The following ACVR2B variants were observed in gnomAD, a reference collection of about 807,000 sequenced individuals.
ACVR2B encodes the protein activin A receptor type 2B.
Under a neutral mutation model 65.1 loss-of-function variants are expected in ACVR2B, and 18 were observed. That is an observed-to-expected ratio of 0.28 (90% confidence interval 0.19 to 0.41). The LOEUF is 0.41. Ranked by LOEUF, ACVR2B falls within the 10% of genes least tolerant of loss-of-function variation. The pLI is 1.00. For synonymous variants in ACVR2B, 298 were observed against 277.7 expected (o/e 1.07, Z -0.73); for missense variants, 482 against 682.7 (o/e 0.71, Z 3.28).
intron 1 of ACVR2B, chr3:38,475,275 T>C (rs1056740713): frequency 1.3e-5 from 2 of 152,300 alleles, no homozygotes; most frequent in Admixed American, 1.3e-4. Context: ...ATGAAGGGCC[T>C]GGCTGGGGAA....
intron 1 of ACVR2B, among the ~76,000 whole-genome samples, chr3:38,462,597 T>C (rs1159094302): frequency 6.6e-6 from 1 of 152,268 alleles, no homozygotes; most frequent in Non-Finnish European, 1.5e-5. Context: ...TAAGCTATGT[T>C]GGATGTCATG....
chr3:38,456,370 C>G (rs1421696795), intron 1 of ACVR2B, among the ~76,000 whole-genome samples: 1 of 152,168 alleles, frequency 6.6e-6, no homozygotes, highest in Non-Finnish European at 1.5e-5. Context: ...TGGAATAACC[C>G]CCATACTGTG....
chr3:38,456,025 C>G (rs1245635203), intron 1 of ACVR2B, among the ~76,000 whole-genome samples: 1 of 152,152 alleles, frequency 6.6e-6, no homozygotes, highest in Non-Finnish European at 1.5e-5. Flanking sequence ...TCACACCAGT[C>G]TCACACCTCC....
rs1313370390 is a variant in ACVR2B at position 38,454,133 on chromosome 3, C to G, written c.-190C>G. ...TGCGCCGCCCGCAGCGGCCCTGAGC[C>G]CGGCCCCGCCGACCGGCCCTTGGAG... is the stretch of plus-strand genomic sequence containing the variant. On this transcript the variant is annotated 5_prime_UTR_variant, in exon 1 of 11. Transcript: ENST00000352511. 3.2e-5 allele frequency: 8 copies of G among 247,362 alleles called. No homozygotes were observed. The South Asian group carries it at 9.7e-4, about 30-fold the overall frequency. 15.3% of individuals were successfully genotyped at this position (247,362 alleles called of 1,614,324 possible).
intron 1 of ACVR2B, among the ~76,000 whole-genome samples, chr3:38,466,111 T>C (rs1168524244): frequency 1.3e-5 from 2 of 152,182 alleles, no homozygotes; most frequent in Non-Finnish European, 2.9e-5. Context: ...AAGCCAGACA[T>C]GGAAGGACAA....
Position 38,486,492 on chromosome 3 carries a change from C to T in ACVR2B, c.*3160C>T, listed in dbSNP as rs1314841372. On this transcript the variant is annotated 3_prime_UTR_variant, in exon 11 of 11. Coordinates refer to ENST00000352511, the MANE Select transcript of ACVR2B (RefSeq NM_001106.4). ...GAGCCCTGCTTTGAATTTACTGGGT[C>T]ATAGAGCCTCTGCCTGTGCTCTTTT... The T allele has an allele frequency of 2.0e-5, 3 of 152,208 alleles. No individual in the cohort carries two copies. The highest frequency in any genetic ancestry group is 6.5e-5 in the Admixed American group (1 of 15,276). The allele number at this position is 152,208 out of a possible 1,614,324, so 9.4% of individuals were successfully genotyped here. A position where few individuals can be genotyped will look rare whatever the true frequency, so the allele number is the denominator to read the frequency against.
chr3:38,478,887 G>A (rs1294364293), intron 5 of ACVR2B, among the ~76,000 whole-genome samples: 1 of 152,080 alleles, frequency 6.6e-6, no homozygotes, highest in Non-Finnish European at 1.5e-5. Flanking sequence ...TTTGTAAATC[G>A]AAGTGCTAGC....
rs966042133 is a variant in ACVR2B at position 38,491,845 on chromosome 3, G to A, written c.*8513G>A. 2 of 152,142 alleles carry A rather than the reference G, an allele frequency of 1.3e-5. No individual in the cohort carries two copies. The highest frequency in any genetic ancestry group is 2.9e-5 in the Non-Finnish European group (2 of 68,030). The allele number at this position is 152,142 out of a possible 1,614,324, so 9.4% of individuals were successfully genotyped here. A position where few individuals can be genotyped will look rare whatever the true frequency, so the allele number is the denominator to read the frequency against. Reference sequence around the variant, plus strand: ...AATTGAGGGAGAGGGTTACCGCAGAGTAGAAATATATTTCTAGATTTCAGT... The same window carrying A: ...AATTGAGGGAGAGGGTTACCGCAGAATAGAAATATATTTCTAGATTTCAGT... On this transcript the variant is annotated 3_prime_UTR_variant, in exon 11 of 11. Coordinates refer to ENST00000352511, the MANE Select transcript of ACVR2B (RefSeq NM_001106.4).
At chr3:38,457,186 G>A (rs1709564177) in intron 1 of ACVR2B, among the ~76,000 whole-genome samples, 1 of 148,812 alleles carries the variant, frequency 6.7e-6, no homozygotes, top group Admixed American at 6.7e-5. Flanking sequence ...CCTGGTGACA[G>A]AGTGAGGCTC....
At position 38,477,551 on chromosome 3, in the gene ACVR2B, C is replaced by T. The variant is rs1709934317; in HGVS notation, c.260+57C>T. ...GACCCACCTGCGCTTATACTGCCCA[C>T]TGGGCCATTTGGGTCTCAGGATGTC... On this transcript the variant is annotated intron_variant, in intron 2 of 10. Coordinates refer to ENST00000352511, the MANE Select transcript of ACVR2B (RefSeq NM_001106.4). This position sits in a 1 kb window ranked among gnomAD's most constrained non-coding sequence, Gnocchi z 6.7. 3 of 1,572,738 alleles carry T rather than the reference C, an allele frequency of 1.9e-6. No individual in the cohort carries two copies. The highest frequency in any genetic ancestry group is 2.6e-6 in the Non-Finnish European group (3 of 1,154,166).
intron 1 of ACVR2B, among the ~76,000 whole-genome samples, chr3:38,467,628 G>T (rs906740447): frequency 3.3e-5 from 5 of 151,772 alleles, no homozygotes; most frequent in Non-Finnish European, 7.4e-5. Context: ...CATTGCACCT[G>T]TAAGTCCGAG....
At chr3:38,459,716 G>A (rs1709609678) in intron 1 of ACVR2B, 1 of 973,556 alleles carries the variant, frequency 1.0e-6, no homozygotes, top group Non-Finnish European at 1.2e-6. Context: ...CTCCCTCAGG[G>A]TGTGGTGGCC....
Position 38,454,190 on chromosome 3 carries a change from A to T in ACVR2B, c.-133A>T. The stretch of plus-strand genomic sequence containing the variant: ...CGCTGCTCGGGGACGAAGGCGCAGG[A>T]AGCGCGCAGGGAACGAGACCGAAGG... On this transcript the variant is annotated 5_prime_UTR_variant, in exon 1 of 11. Transcript: ENST00000352511. 1 of 567,416 alleles carries T rather than the reference A, an allele frequency of 1.8e-6. No individual in the cohort carries two copies. The highest frequency in any genetic ancestry group is 2.4e-6 in the Non-Finnish European group (1 of 420,166). The allele number at this position is 567,416 out of a possible 1,614,324, so 35.1% of individuals were successfully genotyped here.
chr3:38,464,181 G>A (rs1479182230), intron 1 of ACVR2B, among the ~76,000 whole-genome samples: 1 of 152,226 alleles, frequency 6.6e-6, no homozygotes, highest in East Asian at 1.9e-4. Context: ...AATAAAGTTT[G>A]GTTGAAAGTG....
At chr3:38,473,863 G>A (rs1709862143) in intron 1 of ACVR2B, 1 of 152,492 alleles carries the variant, frequency 6.6e-6, no homozygotes, top group Non-Finnish European at 1.5e-5. Context: ...GCCTGTAGGA[G>A]GATCTGGTCA....
intron 1 of ACVR2B, chr3:38,473,585 AG>A (rs1268432845): frequency 6.6e-6 from 1 of 152,314 alleles, no homozygotes; most frequent in African/African-American, 2.4e-5. Context: ...CCCTGTGGTG[AG>A]GGAGGGGCAT....
In ACVR2B at chr3:38,477,061, T is replaced by A. The variant is rs1466052470; in HGVS notation, c.53-226T>A. ...TGCTTAGGCCTAGGGGCAGCTGTGA[T>A]GGGCTGCAGAATGAGGTGGGGGCTG... is the stretch of plus-strand genomic sequence containing the variant. On this transcript the variant is annotated intron_variant, in intron 1 of 10. Coordinates refer to ENST00000352511, the MANE Select transcript of ACVR2B (RefSeq NM_001106.4). The surrounding 1 kb of genome is among the most constrained non-coding windows in gnomAD (Gnocchi z 6.7). 5.0e-6 allele frequency: 3 copies of A among 599,646 alleles called. No individual in the cohort carries two copies. Among genetic ancestry groups the A allele is most frequent in the Non-Finnish European group, 8.9e-6 (3 of 336,718 alleles). The allele number at this position is 599,646 out of a possible 1,614,324, so 37.1% of individuals were successfully genotyped here. A position where few individuals can be genotyped will look rare whatever the true frequency, so the allele number is the denominator to read the frequency against.
At chr3:38,466,226 C>G (rs899539477) in intron 1 of ACVR2B, among the ~76,000 whole-genome samples, 2 of 152,108 alleles carry the variant, frequency 1.3e-5, no homozygotes, top group African/African-American at 4.8e-5. Context: ...GGTAGGAGGT[C>G]AGATGGGGAG....
chr3:38,466,805 C>T (rs1002060957), intron 1 of ACVR2B, among the ~76,000 whole-genome samples: 4 of 152,004 alleles, frequency 2.6e-5, no homozygotes, highest in African/African-American at 9.7e-5. Flanking sequence ...GCCCGGCCTA[C>T]AAAACTTCTT....
Sources: allele counts gnomAD v4.1 joint callset (sites outside exome capture counted in the v4.1 genomes callset), GRCh38; gene constraint gnomAD v4.1.1; non-coding constraint Gnocchi (gnomAD v3.1); transcripts MANE v1.5; gene names NCBI Gene and HGNC (gene_info 2026-07-23, HGNC 2026-07-21).